Variants in HIF1AN observed in about 807,000 individuals in gnomAD.
HIF1AN encodes hypoxia-inducible factor 1-alpha inhibitor.
In HIF1AN, 21 loss-of-function variants were observed where a neutral mutation model predicts 47.7. The observed-to-expected ratio is 0.44, with a 90% CI of 0.31 to 0.63. HIF1AN has a LOEUF of 0.63. Among genes scored for constraint, HIF1AN ranks in the 30% least tolerant of loss-of-function variants. The pLI is 0.07. For missense variants in HIF1AN, 320 were observed against 432.7 expected, an observed-to-expected ratio of 0.74 and a Z score of 2.31; for synonymous variants, 152 against 155.9, an observed-to-expected ratio of 0.98 and a Z score of 0.18.
intron 3 of HIF1AN, among the ~76,000 whole-genome samples, chr10:100,541,351 A>G (rs1843026163): frequency 6.6e-6 from 1 of 152,256 alleles, no homozygotes; most frequent in South Asian, 2.1e-4. Flanking sequence ...TGATTGCACC[A>G]CTGCACTGCA....
In HIF1AN at chr10:100,549,851, C is replaced by G. The variant is rs536833546; in HGVS notation, c.*1714C>G. ...AGTGCACTGATGAACTGAGAGGATG[C>G]GTGTGGATGTGTGTGCATGCCTGAG... On this transcript the variant is annotated 3_prime_UTR_variant, in exon 8 of 8. Coordinates refer to ENST00000299163, the MANE Select transcript of HIF1AN (RefSeq NM_017902.3). The G allele has an allele frequency of 2.0e-5, 3 of 151,524 alleles. No homozygotes were observed. The highest frequency in any genetic ancestry group is 4.9e-5 in the African/African-American group (2 of 41,134). The allele number at this position is 151,524 out of a possible 1,614,324, so 9.4% of individuals were successfully genotyped here. A position where few individuals can be genotyped will look rare whatever the true frequency, so the allele number is the denominator to read the frequency against.
rs1472203203 is a variant in HIF1AN, at chr10:100,556,367, G to A, written c.*8230G>A. On this transcript the variant is annotated 3_prime_UTR_variant, in exon 8 of 8. Coordinates refer to ENST00000299163, the MANE Select transcript of HIF1AN (RefSeq NM_017902.3). The stretch of plus-strand genomic sequence containing the variant: ...TGCTCCCCAAGGAGATAAAAGGACA[G>A]TTCCTAAAGAGGCATTGAAGGTTTG... The A allele has an allele frequency of 6.6e-6, 1 of 152,222 alleles. No individual in the cohort carries two copies. Among genetic ancestry groups the A allele is most frequent in the African/African-American group, 2.4e-5 (1 of 41,450 alleles). The allele number at this position is 152,222 out of a possible 1,614,324, so 9.4% of individuals were successfully genotyped here. A position where few individuals can be genotyped will look rare whatever the true frequency, so the allele number is the denominator to read the frequency against.
At position 100,549,557 on chromosome 10, in the gene HIF1AN, C is replaced by T. The variant is rs953277985; in HGVS notation, c.*1420C>T. 6.6e-6 allele frequency: 1 copy of T among 152,222 alleles called. No individual in the cohort carries two copies. The highest frequency in any genetic ancestry group is 2.4e-5 in the African/African-American group (1 of 41,428). The allele number at this position is 152,222 out of a possible 1,614,324, so 9.4% of individuals were successfully genotyped here. A position where few individuals can be genotyped will look rare whatever the true frequency, so the allele number is the denominator to read the frequency against. ...CTGTTAGGAGCTACTCCTGGGAACC[C>T]CTCTCAGGGCTGCAGCTTACAGGTG... On this transcript the variant is annotated 3_prime_UTR_variant, in exon 8 of 8. Transcript: ENST00000299163.
rs1843219765 is a variant in HIF1AN, at chr10:100,557,005, A to AT, written c.*8869dup. On this transcript the variant is annotated 3_prime_UTR_variant, in exon 8 of 8. Coordinates refer to ENST00000299163, the MANE Select transcript of HIF1AN (RefSeq NM_017902.3). The stretch of plus-strand genomic sequence containing the variant: ...TGCTTGAAGTGAAATCACAGAAGAG[A>AT]TGACTGGGGCAGGAAAAGCAAGATG... The AT allele has an allele frequency of 6.6e-6, 1 of 152,250 alleles. No homozygotes were observed. The highest frequency in any genetic ancestry group is 6.5e-5 in the Admixed American group (1 of 15,282). The allele number at this position is 152,250 out of a possible 1,614,324, so 9.4% of individuals were successfully genotyped here. A position where few individuals can be genotyped will look rare whatever the true frequency, so the allele number is the denominator to read the frequency against.
In HIF1AN at chr10:100,559,206, C is replaced by G. The variant is rs1843238378; in HGVS notation, c.*11069C>G. 6.6e-6 allele frequency: 1 copy of G among 152,084 alleles called. No homozygotes were observed. The highest frequency in any genetic ancestry group is 1.5e-5 in the Non-Finnish European group (1 of 68,014). 9.4% of individuals were successfully genotyped at this position (152,084 alleles called of 1,614,324 possible). A position where few individuals can be genotyped will look rare whatever the true frequency, so the allele number is the denominator to read the frequency against. ...TTTATTGGAAATATAAGTACTTGAT[C>G]AGGTTTTGTCTTGGTCAGATAAATT... is the stretch of plus-strand genomic sequence containing the variant. On this transcript the variant is annotated 3_prime_UTR_variant, in exon 8 of 8. Coordinates refer to ENST00000299163, the MANE Select transcript of HIF1AN (RefSeq NM_017902.3).
intron 3 of HIF1AN, among the ~76,000 whole-genome samples, chr10:100,541,989 G>T (rs1843038215): frequency 6.6e-6 from 1 of 152,130 alleles, no homozygotes; most frequent in African/African-American, 2.4e-5. Context: ...TAACACAATG[G>T]TAAGTATTTG....
rs1459152690 is a variant in HIF1AN, at chr10:100,557,765, C to T, written c.*9628C>T. On this transcript the variant is annotated 3_prime_UTR_variant, in exon 8 of 8. Transcript: ENST00000299163. ...GGCCCTGGATTTCTTAATAGGTCCT[C>T]TTATGTGGCTATTGAGAATGAATGA... 4.0e-5 allele frequency: 6 copies of T among 151,724 alleles called. No individual in the cohort carries two copies. The highest frequency in any genetic ancestry group is 2.1e-4 in the South Asian group (1 of 4,804). 9.4% of individuals were successfully genotyped at this position (151,724 alleles called of 1,614,324 possible). A position where few individuals can be genotyped will look rare whatever the true frequency, so the allele number is the denominator to read the frequency against.
chr10:100,545,889 T>C (rs1201124971), intron 4 of HIF1AN, 54 bp from the exon 5 acceptor site: 1 of 1,205,254 alleles, frequency 8.3e-7, no homozygotes, highest in East Asian at 2.3e-5. Context: ...ATAGTAGTTT[T>C]ACTGGTGAAG....
At chr10:100,547,033 C>A in intron 6 of HIF1AN, 107 bp from the exon 7 acceptor site, 3 of 799,510 alleles carry the variant, frequency 3.8e-6, no homozygotes, top group Non-Finnish European at 6.1e-6. Context: ...AGTCACCGTG[C>A]CCGGCAAGAA....
In HIF1AN at chr10:100,559,755, A is replaced by G. The variant is rs1843242438; in HGVS notation, c.*11618A>G. 6.6e-6 allele frequency: 1 copy of G among 152,208 alleles called. No homozygotes were observed. Among genetic ancestry groups the G allele is most frequent in the South Asian group, 2.1e-4 (1 of 4,836 alleles). The allele number at this position is 152,208 out of a possible 1,614,324, so 9.4% of individuals were successfully genotyped here. A position where few individuals can be genotyped will look rare whatever the true frequency, so the allele number is the denominator to read the frequency against. ...TAACCAAAGTAATTTATGAATATAA[A>G]TTGTTTCTATATAACCCAAAGTCAC... On this transcript the variant is annotated 3_prime_UTR_variant, in exon 8 of 8. Coordinates refer to ENST00000299163, the MANE Select transcript of HIF1AN (RefSeq NM_017902.3).
Position 100,559,265 on chromosome 10 carries a change from T to A in HIF1AN, c.*11128T>A, listed in dbSNP as rs1480490470. ...AAGGAAATCAAATACATTAATCATA[T>A]AAATGCCATTTAAGTGTTTAAAGGA... On this transcript the variant is annotated 3_prime_UTR_variant, in exon 8 of 8. Transcript: ENST00000299163. The A allele has an allele frequency of 2.0e-5, 3 of 152,224 alleles. No homozygotes were observed. Among genetic ancestry groups the A allele is most frequent in the African/African-American group, 4.8e-5 (2 of 41,452 alleles). The allele number at this position is 152,224 out of a possible 1,614,324, so 9.4% of individuals were successfully genotyped here. A position where few individuals can be genotyped will look rare whatever the true frequency, so the allele number is the denominator to read the frequency against.
rs1170139934 is a variant in HIF1AN, at chr10:100,558,707, G to C, written c.*10570G>C. On this transcript the variant is annotated 3_prime_UTR_variant, in exon 8 of 8. Coordinates refer to ENST00000299163, the MANE Select transcript of HIF1AN (RefSeq NM_017902.3). Reference sequence around the variant, plus strand: ...TATGAGGCCACAAATAGCACTTTCTGGGTCCTTTCACAGTCTAGTCAGTGG... The same window carrying C: ...TATGAGGCCACAAATAGCACTTTCTCGGTCCTTTCACAGTCTAGTCAGTGG... 2 of 152,158 alleles carry C rather than the reference G, an allele frequency of 1.3e-5. No homozygotes were observed. The highest frequency in any genetic ancestry group is 6.5e-5 in the Admixed American group (1 of 15,272). The allele number at this position is 152,158 out of a possible 1,614,324, so 9.4% of individuals were successfully genotyped here.
chr10:100,544,053 C>T (rs137937333), intron 3 of HIF1AN, among the ~76,000 whole-genome samples: 1 of 152,186 alleles, frequency 6.6e-6, no homozygotes, highest in South Asian at 2.1e-4. Flanking sequence ...GTCTAAATTC[C>T]ATGCCCTGCA....
rs765771180 is a variant in HIF1AN, at chr10:100,551,938, C to T, written c.*3801C>T. On this transcript the variant is annotated 3_prime_UTR_variant, in exon 8 of 8. Coordinates refer to ENST00000299163, the MANE Select transcript of HIF1AN (RefSeq NM_017902.3). Reference sequence around the variant, plus strand: ...CTCCTTGTAAGCCTCTGGGCTCCCCCGAGAGGGCCTCGCTACTCTACGCTT... The same window carrying T: ...CTCCTTGTAAGCCTCTGGGCTCCCCTGAGAGGGCCTCGCTACTCTACGCTT... The T allele has an allele frequency of 4.6e-5, 7 of 152,258 alleles. No homozygotes were observed. The highest frequency in any genetic ancestry group is 1.2e-4 in the African/African-American group (5 of 41,454). The allele number at this position is 152,258 out of a possible 1,614,324, so 9.4% of individuals were successfully genotyped here.
At chr10:100,540,569 T>G in intron 2 of HIF1AN, 65 bp from the exon 3 acceptor site, 1 of 1,576,392 alleles carries the variant, frequency 6.3e-7, no homozygotes, top group Non-Finnish European at 8.6e-7. Flanking sequence ...TTTTCAGATG[T>G]GGAGAGGCCA....
chr10:100,537,001 G>A (rs928110076), intron 2 of HIF1AN, among the ~76,000 whole-genome samples: 1 of 152,198 alleles, frequency 6.6e-6, no homozygotes, highest in Non-Finnish European at 1.5e-5. Context: ...TGTGAAATCA[G>A]TGATGAGGCT....
At position 100,550,045 on chromosome 10, in the gene HIF1AN, A is replaced by G. The variant is rs1843141832; in HGVS notation, c.*1908A>G. 6.6e-6 allele frequency: 1 copy of G among 152,236 alleles called. No individual in the cohort carries two copies. Among genetic ancestry groups the G allele is most frequent in the Non-Finnish European group, 1.5e-5 (1 of 68,050 alleles). 9.4% of individuals were successfully genotyped at this position (152,236 alleles called of 1,614,324 possible). A position where few individuals can be genotyped will look rare whatever the true frequency, so the allele number is the denominator to read the frequency against. Reference sequence around the variant, plus strand: ...TATCTCTCCACTTCTTTTGGGAAAGAGGAGCACAGGAGCGGAGGAAAAACT... The same window carrying G: ...TATCTCTCCACTTCTTTTGGGAAAGGGGAGCACAGGAGCGGAGGAAAAACT... On this transcript the variant is annotated 3_prime_UTR_variant, in exon 8 of 8. Coordinates refer to ENST00000299163, the MANE Select transcript of HIF1AN (RefSeq NM_017902.3).
chr10:100,536,697 G>A, intron 2 of HIF1AN, 36 bp downstream of exon 2: 1 of 1,610,676 alleles, frequency 6.2e-7, no homozygotes. Context: ...GTTGGATTTA[G>A]GACACTCATT....
In HIF1AN at chr10:100,544,821, C is replaced by T. The variant is rs1421051694; in HGVS notation, c.578-130C>T. 5 of 779,762 alleles carry T rather than the reference C, an allele frequency of 6.4e-6. No individual in the cohort carries two copies. In the East Asian group the frequency reaches 1.3e-4, roughly 20 times the overall value. The allele number at this position is 779,762 out of a possible 1,614,324, so 48.3% of individuals were successfully genotyped here. A position where few individuals can be genotyped will look rare whatever the true frequency, so the allele number is the denominator to read the frequency against. On this transcript the variant is annotated intron_variant, in intron 3 of 7. Transcript: ENST00000299163. ...AGTTGTAATTGGAATTTCCCTGATT[C>T]TGCCTAAATTTTGATTTGGAACTTT...
Sources: allele counts gnomAD v4.1 joint callset (sites outside exome capture counted in the v4.1 genomes callset), GRCh38; gene constraint gnomAD v4.1.1; transcripts MANE v1.5; gene names NCBI Gene and HGNC (gene_info 2026-07-23, HGNC 2026-07-21).